The following KIR3DL1 variants were observed in gnomAD, a reference collection of about 807,000 sequenced individuals.
KIR3DL1 encodes the protein killer cell immunoglobulin like receptor, three Ig domains and long cytoplasmic tail 1, also known as killer cell immunoglobulin-like receptor 3DL1.
KIR3DL1 carries 50 observed loss-of-function variants against 40.3 expected under a neutral mutation model. That is an observed-to-expected ratio of 1.24 (90% CI 0.99 to 1.57). The LOEUF (loss-of-function observed/expected upper bound fraction) is 1.57, where lower values mean the gene tolerates loss of function less well. Among genes scored for constraint, KIR3DL1 ranks in the 40% most tolerant of loss-of-function variants. KIR3DL1 has a pLI of 0.00. For synonymous variants in KIR3DL1, 257 were observed against 207.2 expected, an observed-to-expected ratio of 1.24 and a Z score of -2.07; for missense variants, 661 against 559.9, an observed-to-expected ratio of 1.18 and a Z score of -1.82.
At chr19:54,828,868 C>T (rs1228417974) in intron 6 of KIR3DL1, among the ~76,000 whole-genome samples, 1 of 141,588 alleles carries the variant, frequency 7.1e-6, no homozygotes, top group African/African-American at 2.5e-5. Context: ...CAGGCCGCTC[C>T]CACTCTGGCA....
At chr19:54,818,924 C>G (rs2061493727) in intron 3 of KIR3DL1, among the ~76,000 whole-genome samples, 1 of 150,096 alleles carries the variant, frequency 6.7e-6, no homozygotes, top group Non-Finnish European at 1.5e-5. Context: ...TCACAAGGGT[C>G]CACATGAGAG....
intron 5 of KIR3DL1, among the ~76,000 whole-genome samples, chr19:54,822,272 A>C (rs2061678469): frequency 6.6e-6 from 1 of 151,222 alleles, no homozygotes; most frequent in Non-Finnish European, 1.5e-5. Context: ...ATTGAGGTTA[A>C]ATGTAACTAT....
intron 6 of KIR3DL1, among the ~76,000 whole-genome samples, chr19:54,825,751 T>C (rs2061851770): frequency 7.4e-6 from 1 of 134,958 alleles, no homozygotes; most frequent in Admixed American, 7.1e-5. Flanking sequence ...AAGGCTGCCT[T>C]CCCTCTGAGG....
rs200893904 is a variant in KIR3DL1 at position 54,819,932 on chromosome 19, C to T, written c.575C>T (p.Thr192Ile). The change falls in exon 4 of 9, where the codon ACC becomes ATC. Residue 192 changes from threonine to isoleucine, a missense_variant. By Grantham distance (89) the Thr-to-Ile change is moderately conservative. Around this residue, in one of 3 missense-constraint regions of KIR3DL1, gnomAD observed 548 missense variants for 413.3 expected, o/e 1.33. Coordinates refer to ENST00000391728, the Ensembl canonical transcript of KIR3DL1. ...CCCATGATGCTTGCCCTTGCAGGGA[C>T]CTACAGATGCTACGGTTCTGTTACT... 69 of 1,611,942 alleles carry T rather than the reference C, an allele frequency of 4.3e-5. 1 individual carries two copies. The highest frequency in any genetic ancestry group is 3.3e-4 in the Middle Eastern group (2 of 6,068).
At chr19:54,827,496 C>A (rs1226928452) in intron 6 of KIR3DL1, among the ~76,000 whole-genome samples, 3 of 150,598 alleles carry the variant, frequency 2.0e-5, no homozygotes, top group African/African-American at 7.4e-5. Context: ...CCTGTAATCC[C>A]AGCTCCTGCT....
intron 6 of KIR3DL1, among the ~76,000 whole-genome samples, chr19:54,827,464 T>G (rs1193970674): frequency 6.7e-6 from 1 of 149,782 alleles, no homozygotes; most frequent in Non-Finnish European, 1.5e-5. Flanking sequence ...ATACAAAAAT[T>G]AGCCGAGCAT....
intron 6 of KIR3DL1, among the ~76,000 whole-genome samples, chr19:54,827,320 G>A (rs1368545216): frequency 6.6e-6 from 1 of 151,160 alleles, no homozygotes; most frequent in Non-Finnish European, 1.5e-5. Flanking sequence ...GTCTGTGAAC[G>A]GTGGCTCACT....
intron 6 of KIR3DL1, among the ~76,000 whole-genome samples, chr19:54,826,583 G>A (rs2061902323): frequency 1.4e-5 from 2 of 146,610 alleles, no homozygotes; most frequent in Admixed American, 1.4e-4. Flanking sequence ...GCAACCCAAA[G>A]TACTGGGATT....
chr19:54,824,890 A>C, intron 5 of KIR3DL1, 138 bp from the exon 6 acceptor site: 1 of 923,062 alleles, frequency 1.1e-6, no homozygotes, highest in Admixed American at 2.0e-5. Context: ...CACAAAAATT[A>C]TGGAGAAGAG....
chr19:54,821,956 G>A, intron 5 of KIR3DL1, 98 bp downstream of exon 5: 2 of 1,403,864 alleles, frequency 1.4e-6, no homozygotes, highest in Non-Finnish European at 2.0e-6. Context: ...CAGATGCAGA[G>A]AGAAGACACA....
intron 6 of KIR3DL1, among the ~76,000 whole-genome samples, chr19:54,826,562 C>T (rs1423993678): frequency 6.8e-6 from 1 of 146,480 alleles, no homozygotes; most frequent in Non-Finnish European, 1.5e-5. Flanking sequence ...TCAAGTGATC[C>T]GACCATCTCA....
At chr19:54,821,676 C>A (rs2061644417) in exon 5 of KIR3DL1, 1 of 1,609,786 alleles carries the variant, frequency 6.2e-7, no homozygotes, top group Non-Finnish European at 8.5e-7. Context: ...TACCATCTAT[C>A]CAGGGAGGGG....
Position 54,827,220 on chromosome 19 carries a change from C to A in KIR3DL1, c.1001-2141C>A, listed in dbSNP as rs76594061. ...ATTAATTTCTTTCTGAGATTTATTCCTCCTACACATAAATCAATACCTGGC... is the reference window on the plus strand; with the variant it reads ...ATTAATTTCTTTCTGAGATTTATTCATCCTACACATAAATCAATACCTGGC... On this transcript the variant is annotated intron_variant, in intron 6 of 8. Coordinates refer to ENST00000391728, the Ensembl canonical transcript of KIR3DL1. 4.7e-3 allele frequency among the ~76,000 whole-genome samples: 710 copies of A among 150,860 alleles called. 41 individuals are homozygous for A. In the East Asian group the frequency reaches 0.11, roughly 24 times the overall value.
rs1159320997 is a variant in KIR3DL1, at chr19:54,826,359, G to C, written c.1000+1281G>C. Reference sequence around the variant, plus strand: ...AGACAGAGTCTCCCTCTGTCTTCCAGGCTACAGTGCAGTGTCACGATCTTG... The same window carrying C: ...AGACAGAGTCTCCCTCTGTCTTCCACGCTACAGTGCAGTGTCACGATCTTG... On this transcript the variant is annotated intron_variant, in intron 6 of 8. Transcript: ENST00000391728. Among the ~76,000 whole-genome samples, 2 of 150,044 alleles carry C rather than the reference G, an allele frequency of 1.3e-5. 1 individual carries two copies. Among genetic ancestry groups the C allele is most frequent in the African/African-American group, 5.0e-5 (2 of 40,012 alleles).
At chr19:54,829,935 T>A (rs1236191790) in exon 8 of KIR3DL1, 1 of 1,519,668 alleles carries the variant, frequency 6.6e-7, no homozygotes, top group Non-Finnish European at 8.9e-7. Flanking sequence ...CAGATGCTGC[T>A]GTAATGGACC....
At chr19:54,828,403 C>T (rs1042877836) in intron 6 of KIR3DL1, among the ~76,000 whole-genome samples, 3 of 151,180 alleles carry the variant, frequency 2.0e-5, no homozygotes, top group Admixed American at 6.6e-5. Flanking sequence ...TATCACTCAC[C>T]GTCACTCCAG....
intron 3 of KIR3DL1, 127 bp downstream of exon 3, chr19:54,818,726 A>G: frequency 7.8e-7 from 1 of 1,274,732 alleles, no homozygotes; most frequent in South Asian, 1.5e-5. Context: ...GAGATTGAAT[A>G]CAGGGGAAAT....
Position 54,823,209 on chromosome 19 carries a change from A to AT in KIR3DL1, c.949+1358dup, listed in dbSNP as rs570221478. Among the ~76,000 whole-genome samples the AT allele has an allele frequency of 4.1e-3, 619 of 150,608 alleles. 24 individuals are homozygous for AT. Among genetic ancestry groups the AT allele is most frequent in the African/African-American group, 0.015 (604 of 40,678 alleles). ...GCCACCATGCCTGGCTAATTTTTGTATTTTTTTAGCACAGACGGGATATCC... is the reference window on the plus strand; with the variant it reads ...GCCACCATGCCTGGCTAATTTTTGTATTTTTTTTAGCACAGACGGGATATCC... On this transcript the variant is annotated intron_variant, in intron 5 of 8. Coordinates refer to ENST00000391728, the Ensembl canonical transcript of KIR3DL1.
chr19:54,818,160 G>A (rs1388205563), intron 2 of KIR3DL1, among the ~76,000 whole-genome samples, 155 bp from the exon 3 acceptor site: 4 of 141,114 alleles, frequency 2.8e-5, no homozygotes, highest in African/African-American at 8.6e-5. Context: ...GTAGGGAGAC[G>A]CCAAGTCTAT....
Sources: allele counts gnomAD v4.1 joint callset (sites outside exome capture counted in the v4.1 genomes callset), GRCh38; gene constraint gnomAD v4.1.1; regional missense constraint gnomAD v4.1.1; transcripts MANE v1.5; gene names NCBI Gene and HGNC (gene_info 2026-07-23, HGNC 2026-07-21).